The following NBAS variants were observed in gnomAD, a reference collection of about 807,000 sequenced individuals.
NBAS encodes the protein NBAS subunit of NRZ tethering complex, also known as NAG/BC035112 fusion.
In NBAS, 219 loss-of-function variants were observed where a neutral mutation model predicts 302.5. The observed-to-expected ratio is 0.72, with a 90% CI of 0.65 to 0.81. The LOEUF (loss-of-function observed/expected upper bound fraction) is 0.81, where lower values mean the gene tolerates loss of function less well. Ranked by LOEUF, NBAS falls within the 30% of genes least tolerant of loss-of-function variation. The pLI is 0.00. For synonymous variants in NBAS, 1,118 were observed against 1,021.6 expected, an observed-to-expected ratio of 1.09 and a Z score of -1.80; for missense variants, 2,932 against 2,841.6, an observed-to-expected ratio of 1.03 and a Z score of -0.72.
chr2:14,951,234 G>A, the NBAS span, among the ~76,000 whole-genome samples: 1 of 152,188 alleles, frequency 6.6e-6, no homozygotes, highest in Non-Finnish European at 1.5e-5. Context: ...AGCATAGGGT[G>A]GAGCTATCCA....
At chr2:15,053,928 C>T in the NBAS span, among the ~76,000 whole-genome samples, 1 of 130,516 alleles carries the variant, frequency 7.7e-6, no homozygotes, top group Non-Finnish European at 1.6e-5. Flanking sequence ...GGCAGCTTTA[C>T]TTCCCTCCTT....
chr2:15,234,896 A>C, intron 45 of NBAS, 149 bp from the exon 46 acceptor site: 1 of 845,460 alleles, frequency 1.2e-6, no homozygotes, highest in Non-Finnish European at 1.9e-6. Flanking sequence ...AGTTATTAAG[A>C]GCTTAGGCTC....
At chr2:15,270,118 T>C (rs757304103) in intron 44 of NBAS, among the ~76,000 whole-genome samples, 17 of 152,234 alleles carry the variant, frequency 1.1e-4, no homozygotes, top group Non-Finnish European at 2.2e-4. Flanking sequence ...AAATATGCTA[T>C]TCATGTCAAC....
chr2:14,956,781 G>T, the NBAS span, among the ~76,000 whole-genome samples: 2 of 152,110 alleles, frequency 1.3e-5, no homozygotes, highest in Non-Finnish European at 2.9e-5. Context: ...ATCTCCACCT[G>T]GTCCTGCCCT....
the NBAS span, among the ~76,000 whole-genome samples, chr2:15,108,612 G>C: frequency 6.6e-6 from 1 of 152,114 alleles, no homozygotes; most frequent in Non-Finnish European, 1.5e-5. Flanking sequence ...AAGGCACCTG[G>C]CTGGGCTTAC....
intron 47 of NBAS, among the ~76,000 whole-genome samples, chr2:15,220,243 G>C (rs1380008773): frequency 6.6e-6 from 1 of 151,606 alleles, no homozygotes; most frequent in East Asian, 1.9e-4. Flanking sequence ...TCACTTCCCA[G>C]TAGGGGCGGC....
chr2:15,057,527 A>G, the NBAS span, among the ~76,000 whole-genome samples: 15 of 152,152 alleles, frequency 9.9e-5, no homozygotes, highest in African/African-American at 1.9e-4. Flanking sequence ...TGCACCCATC[A>G]CCTGAGCAGT....
chr2:15,036,573 A>G, the NBAS span, among the ~76,000 whole-genome samples: 122,023 of 152,100 alleles, frequency 0.8, 49,472 homozygotes, highest in East Asian at 1. Context: ...TCTTTGTACA[A>G]GGAGCTACAG....
At chr2:15,058,814 G>C in the NBAS span, among the ~76,000 whole-genome samples, 3 of 152,282 alleles carry the variant, frequency 2.0e-5, no homozygotes, top group Admixed American at 1.3e-4. Flanking sequence ...ATTGTTATCT[G>C]TTCCACCCTT....
At chr2:15,023,268 C>A in the NBAS span, among the ~76,000 whole-genome samples, 1 of 152,024 alleles carries the variant, frequency 6.6e-6, no homozygotes, top group East Asian at 1.9e-4. Context: ...TTATAGTATT[C>A]TATGGTATGT....
At chr2:14,865,291 T>C in the NBAS span, among the ~76,000 whole-genome samples, 1 of 152,000 alleles carries the variant, frequency 6.6e-6, no homozygotes, top group South Asian at 2.1e-4. Flanking sequence ...CATTAGCCTG[T>C]TCTTAGTAAT....
intron 48 of NBAS, among the ~76,000 whole-genome samples, chr2:15,195,118 A>C (rs1414281282): frequency 6.6e-6 from 1 of 152,178 alleles, no homozygotes; most frequent in African/African-American, 2.4e-5. Flanking sequence ...AAAGAAAATA[A>C]ATTATTTACA....
intron 38 of NBAS, among the ~76,000 whole-genome samples, chr2:15,319,134 G>C (rs1177854564): frequency 6.6e-6 from 1 of 152,140 alleles, no homozygotes; most frequent in Non-Finnish European, 1.5e-5. Context: ...TGAACAACCT[G>C]CTCCTGAATA....
chr2:15,327,695 A>C, intron 38 of NBAS, 55 bp downstream of exon 38: 1 of 1,604,646 alleles, frequency 6.2e-7, no homozygotes, highest in Non-Finnish European at 8.5e-7. Context: ...ATTTTTGGTT[A>C]ACAATGTTCA....
the NBAS span, among the ~76,000 whole-genome samples, chr2:14,864,320 CAA>C: frequency 1.5e-4 from 10 of 67,994 alleles, no homozygotes; most frequent in South Asian, 5.5e-4. Flanking sequence ...GGCTCCATCT[CAA>C]AAAAAAAAAA....
chr2:15,559,898 T>A (rs1664832502), intron 1 of NBAS, among the ~76,000 whole-genome samples: 5 of 152,232 alleles, frequency 3.3e-5, no homozygotes, highest in African/African-American at 1.2e-4. Flanking sequence ...AACAGCTTCC[T>A]AGCTGCATAA....
intron 6 of NBAS, among the ~76,000 whole-genome samples, chr2:15,548,888 GCA>G (rs1664241907): frequency 1.3e-5 from 2 of 152,226 alleles, no homozygotes; most frequent in East Asian, 1.9e-4. Context: ...TTAGAAAATT[GCA>G]CACTGTTTTG....
intron 48 of NBAS, among the ~76,000 whole-genome samples, chr2:15,210,028 G>A (rs921831097): frequency 2.0e-5 from 3 of 151,858 alleles, no homozygotes; most frequent in African/African-American, 7.2e-5. Flanking sequence ...TTAGTAAAAG[G>A]AAACATTGAG....
chr2:14,975,073 T>C, the NBAS span, among the ~76,000 whole-genome samples: 3 of 152,086 alleles, frequency 2.0e-5, no homozygotes, highest in Non-Finnish European at 4.4e-5. Flanking sequence ...AACCAGGATG[T>C]CGGTCCTCCA....
Sources: gnomAD v4.1 joint callset for allele counts (sites outside exome capture counted in the v4.1 genomes callset) on GRCh38, gnomAD v4.1.1 for gene constraint, MANE v1.5 for transcripts, NCBI Gene and HGNC (gene_info 2026-07-23, HGNC 2026-07-21) for gene names.